Variants in FGGY observed in about 807,000 individuals in gnomAD.
FGGY encodes the protein FGGY carbohydrate kinase domain containing.
Under a neutral mutation model 71.3 loss-of-function variants are expected in FGGY, and 72 were observed. That is an observed-to-expected ratio of 1.01 (90% CI 0.84 to 1.23). The LOEUF (loss-of-function observed/expected upper bound fraction) is 1.23. Among genes scored for constraint, FGGY ranks in the 50% most tolerant of loss-of-function variants. The pLI is 0.00. For missense variants in FGGY, 668 were observed against 682.3 expected, an observed-to-expected ratio of 0.98 and a Z score of 0.23; for synonymous variants, 251 against 250.3, an observed-to-expected ratio of 1.00 and a Z score of -0.02.
chr1:59,390,024 G>C (rs1212589306), intron 5 of FGGY, among the ~76,000 whole-genome samples: 1 of 152,142 alleles, frequency 6.6e-6, no homozygotes, highest in Non-Finnish European at 1.5e-5. Flanking sequence ...TTTTATGGTT[G>C]TGTTGAAGGA....
chr1:59,352,363 C>G (rs2053476589), intron 4 of FGGY, among the ~76,000 whole-genome samples: 2 of 152,134 alleles, frequency 1.3e-5, no homozygotes, highest in Non-Finnish European at 2.9e-5. Context: ...TAACTCATTT[C>G]CTCTTTTGCC....
intron 11 of FGGY, among the ~76,000 whole-genome samples, chr1:59,649,012 T>G (rs1432231218): frequency 6.6e-6 from 1 of 151,650 alleles, no homozygotes; most frequent in East Asian, 1.9e-4. Flanking sequence ...AGGGAATCCT[T>G]TCCCCATTGC....
At chr1:59,361,429 G>C (rs959074239) in intron 4 of FGGY, among the ~76,000 whole-genome samples, 1 of 152,160 alleles carries the variant, frequency 6.6e-6, no homozygotes, top group Non-Finnish European at 1.5e-5. Context: ...TTGTGGGCCA[G>C]TGGATGAATT....
At chr1:59,437,482 G>A (rs1437812362) in intron 5 of FGGY, among the ~76,000 whole-genome samples, 1 of 152,238 alleles carries the variant, frequency 6.6e-6, no homozygotes, top group Non-Finnish European at 1.5e-5. Context: ...ATGAAATCCT[G>A]TGTACCCATT....
At chr1:59,353,916 A>G (rs923440295) in intron 4 of FGGY, among the ~76,000 whole-genome samples, 8 of 152,194 alleles carry the variant, frequency 5.3e-5, no homozygotes, top group Admixed American at 2.6e-4. Flanking sequence ...GTTAAAGAAT[A>G]AAGATACAGA....
intron 8 of FGGY, among the ~76,000 whole-genome samples, chr1:59,579,963 C>A (rs927693720): frequency 6.6e-6 from 1 of 152,196 alleles, no homozygotes; most frequent in African/African-American, 2.4e-5. Context: ...CTTTGCTGTT[C>A]ATGTAAGATA....
intron 5 of FGGY, among the ~76,000 whole-genome samples, chr1:59,449,269 T>A (rs1267688821): frequency 6.6e-6 from 1 of 152,186 alleles, no homozygotes; most frequent in Non-Finnish European, 1.5e-5. Flanking sequence ...TTATTATTTG[T>A]ATCTGCATGC....
At chr1:59,354,932 G>C (rs778843143) in intron 4 of FGGY, among the ~76,000 whole-genome samples, 12 of 152,212 alleles carry the variant, frequency 7.9e-5, no homozygotes, top group Non-Finnish European at 1.3e-4. Context: ...TCACTGTGGG[G>C]GAGGAAAGCA....
At chr1:59,350,190 T>A (rs2052971824) in intron 4 of FGGY, among the ~76,000 whole-genome samples, 2 of 152,150 alleles carry the variant, frequency 1.3e-5, no homozygotes, top group Admixed American at 1.3e-4. Flanking sequence ...TTCTTGGAAG[T>A]CTGTACTGAG....
At chr1:59,550,317 C>T (rs1352570632) in intron 7 of FGGY, among the ~76,000 whole-genome samples, 1 of 152,084 alleles carries the variant, frequency 6.6e-6, no homozygotes, top group African/African-American at 2.4e-5. Context: ...CCCACCTTTT[C>T]TTGCTTTTCC....
At chr1:59,720,894 C>T (rs559373541) in intron 14 of FGGY, among the ~76,000 whole-genome samples, 1 of 152,314 alleles carries the variant, frequency 6.6e-6, no homozygotes, top group Non-Finnish European at 1.5e-5. Context: ...AATTTCATCT[C>T]CTTCTGCCAC....
intron 3 of FGGY, among the ~76,000 whole-genome samples, chr1:59,344,300 T>C (rs948106825): frequency 1.3e-5 from 2 of 150,018 alleles, no homozygotes; most frequent in African/African-American, 5.1e-5. Flanking sequence ...TTGGCTTTTT[T>C]TGTTGTTTTT....
rs56046020 is a variant in FGGY, at chr1:59,341,036, T to G, written c.313+967T>G. Among the ~76,000 whole-genome samples, 1,280 of 152,312 alleles carry G rather than the reference T, an allele frequency of 8.4e-3. 22 individuals carry two copies. The highest frequency in any genetic ancestry group is 0.029 in the African/African-American group (1,205 of 41,562). On this transcript the variant is annotated intron_variant, in intron 3 of 15. Coordinates refer to ENST00000303721, the MANE Select transcript of FGGY (RefSeq NM_018291.5). ...TTAGAGAACCCTTGATTCTGCACAC[T>G]GTTGCAGCAGCATCTTTCTTAACTG...
chr1:59,479,934 C>T (rs752261738), intron 6 of FGGY, among the ~76,000 whole-genome samples: 26 of 152,120 alleles, frequency 1.7e-4, no homozygotes, highest in Non-Finnish European at 3.1e-4. Flanking sequence ...GTCCTTGACA[C>T]CACCCTCTTT....
At chr1:59,717,743 C>G (rs1357729296) in intron 14 of FGGY, among the ~76,000 whole-genome samples, 1 of 152,132 alleles carries the variant, frequency 6.6e-6, no homozygotes, top group Non-Finnish European at 1.5e-5. Flanking sequence ...GCTACTGGCA[C>G]TATGTGAAGA....
At chr1:59,308,407 C>T (rs1056582830) in intron 1 of FGGY, among the ~76,000 whole-genome samples, 1 of 152,180 alleles carries the variant, frequency 6.6e-6, no homozygotes, top group Non-Finnish European at 1.5e-5. Flanking sequence ...AATAGCTGCT[C>T]ATTGAGAACA....
intron 6 of FGGY, among the ~76,000 whole-genome samples, chr1:59,480,329 C>T (rs2093423509): frequency 1.3e-5 from 2 of 152,130 alleles, no homozygotes; most frequent in South Asian, 2.1e-4. Flanking sequence ...TTTCTGCACA[C>T]GACACCCTTC....
chr1:59,616,845 C>G (rs933915778), intron 9 of FGGY, among the ~76,000 whole-genome samples: 1 of 151,988 alleles, frequency 6.6e-6, no homozygotes, highest in Non-Finnish European at 1.5e-5. Flanking sequence ...TCTCAAAAGT[C>G]CTATGATCAT....
intron 10 of FGGY, 50 bp from the exon 11 acceptor site, chr1:59,638,178 G>A (rs761963557): frequency 4.5e-6 from 7 of 1,565,012 alleles, no homozygotes; most frequent in Non-Finnish European, 6.1e-6. Flanking sequence ...AGAATGATTT[G>A]CTCCCTGACC....
Sources: gnomAD v4.1 joint callset for allele counts (sites outside exome capture counted in the v4.1 genomes callset) on GRCh38, gnomAD v4.1.1 for gene constraint, MANE v1.5 for transcripts, NCBI Gene and HGNC (gene_info 2026-07-23, HGNC 2026-07-21) for gene names.